Variants in KAZN observed in about 807,000 individuals in gnomAD.
KAZN encodes the protein kazrin.
In KAZN, 40 loss-of-function variants were observed where a neutral mutation model predicts 87.4. The observed-to-expected ratio is 0.46, with a 90% CI of 0.36 to 0.60. KAZN has a LOEUF of 0.60. Among genes scored for constraint, KAZN ranks in the 20% least tolerant of loss-of-function variants. The probability of loss-of-function intolerance (pLI) is 0.00; values close to 1 mark genes in which losing one functional copy is unlikely to be tolerated. For synonymous variants in KAZN, 466 were observed against 458.3 expected (o/e 1.02, Z -0.22); for missense variants, 898 against 1,073.9 (o/e 0.84, Z 2.29).
At chr1:15,036,409 G>A (rs2100245062) in intron 3 of KAZN, among the ~76,000 whole-genome samples, 1 of 132,472 alleles carries the variant, frequency 7.5e-6, no homozygotes, top group African/African-American at 2.9e-5. Flanking sequence ...TGACCACCCA[G>A]CTCCCCTTCC....
chr1:14,859,936 G>C (rs1650634818), intron 1 of KAZN, among the ~76,000 whole-genome samples: 1 of 152,036 alleles, frequency 6.6e-6, no homozygotes, highest in Non-Finnish European at 1.5e-5. Flanking sequence ...TCTTTTTCCT[G>C]GCACAGAATT....
rs565682368 is a variant in KAZN at position 14,430,839 on chromosome 1, C to G, written c.250-168144C>G. Among the ~76,000 whole-genome samples, 358 of 152,286 alleles carry G rather than the reference C, an allele frequency of 2.4e-3. 2 individuals are homozygous for G. Among genetic ancestry groups the G allele is most frequent in the Admixed American group, 4.1e-3 (63 of 15,306 alleles). ...GTGGAAAGGAGGGCAAAACCCATTG[C>G]TGACTGAGGAGTGCTCAGCAAAGCC... is the stretch of plus-strand genomic sequence containing the variant. On this transcript the variant is annotated intron_variant, in intron 2 of 16. Transcript: ENST00000636203.
chr1:14,700,954 T>G (rs1641887733), intron 1 of KAZN, among the ~76,000 whole-genome samples: 1 of 152,116 alleles, frequency 6.6e-6, no homozygotes, highest in Non-Finnish European at 1.5e-5. Context: ...TTCAACACAA[T>G]TCAGAGGAGC....
At position 14,524,646 on chromosome 1, in the gene KAZN, T is replaced by G. The variant is rs1453195794; in HGVS notation, c.250-74337T>G. 2.0e-5 allele frequency among the ~76,000 whole-genome samples: 3 copies of G among 152,206 alleles called. No homozygotes were observed. In the East Asian group the frequency reaches 5.8e-4, roughly 29 times the overall value. The stretch of plus-strand genomic sequence containing the variant: ...GAATTTAACCCCCCAGGCATGTCAG[T>G]CTGCCACGACTGTGCTTTCACCGTT... On this transcript the variant is annotated intron_variant, in intron 2 of 16. Coordinates refer to the KAZN transcript ENST00000636203.
chr1:14,929,859 G>A, intron 1 of KAZN: 1 of 985,462 alleles, frequency 1.0e-6, no homozygotes, highest in Non-Finnish European at 1.2e-6. Context: ...CTCCCTTGTG[G>A]CGGCTTCTAT....
intron 1 of KAZN, among the ~76,000 whole-genome samples, chr1:14,851,414 A>C (rs1296328434): frequency 6.6e-6 from 1 of 152,192 alleles, no homozygotes. Flanking sequence ...CACCGCTGCG[A>C]TAGCCCCTGG....
chr1:14,021,366 C>A (rs1640816129), intron 1 of KAZN, among the ~76,000 whole-genome samples: 1 of 152,162 alleles, frequency 6.6e-6, no homozygotes, highest in African/African-American at 2.4e-5. Context: ...AATCTGAGAC[C>A]ATAAGCAGAC....
chr1:14,775,538 A>G (rs955666987), intron 1 of KAZN, among the ~76,000 whole-genome samples: 1 of 152,258 alleles, frequency 6.6e-6, no homozygotes, highest in Non-Finnish European at 1.5e-5. Flanking sequence ...AAGGTAGATC[A>G]TGAGAACCTG....
At chr1:14,999,596 G>T (rs770262278) in intron 2 of KAZN, among the ~76,000 whole-genome samples, 1 of 151,698 alleles carries the variant, frequency 6.6e-6, no homozygotes, top group Middle Eastern at 3.2e-3. Context: ...GAGCTGCCCC[G>T]ATCCACTTGC....
At chr1:14,803,570 G>A (rs1011815079) in intron 1 of KAZN, among the ~76,000 whole-genome samples, 3 of 152,216 alleles carry the variant, frequency 2.0e-5, no homozygotes, top group Non-Finnish European at 4.4e-5. Context: ...CTGAGTGCCC[G>A]TGGCTCTGGC....
chr1:15,065,839 C>T (rs1180899295), intron 8 of KAZN, 86 bp downstream of exon 8: 14 of 1,573,396 alleles, frequency 8.9e-6, no homozygotes, highest in South Asian at 3.4e-5. Context: ...CGTGTCTGTG[C>T]GTGTGGGCGT....
intron 1 of KAZN, among the ~76,000 whole-genome samples, chr1:14,830,424 G>A (rs1335511471): frequency 6.6e-6 from 1 of 152,156 alleles, no homozygotes; most frequent in African/African-American, 2.4e-5. Flanking sequence ...CCTGAGTCAG[G>A]TGCCCAGCCC....
chr1:14,030,756 G>A (rs952262808), intron 1 of KAZN, among the ~76,000 whole-genome samples: 14 of 151,810 alleles, frequency 9.2e-5, no homozygotes, highest in Admixed American at 7.9e-4. Flanking sequence ...GTAAAGAATT[G>A]CAAGAATGGA....
intron 1 of KAZN, among the ~76,000 whole-genome samples, chr1:14,770,206 A>G (rs572503071): frequency 5.9e-5 from 9 of 152,328 alleles, no homozygotes; most frequent in African/African-American, 2.2e-4. Context: ...AAGGTTTTAA[A>G]CAGGCATGGT....
intron 2 of KAZN, among the ~76,000 whole-genome samples, chr1:14,971,174 C>T (rs867420853): frequency 5.3e-5 from 8 of 152,242 alleles, no homozygotes; most frequent in Middle Eastern, 3.4e-3. Flanking sequence ...CCAAGGCGGG[C>T]GAATCATGAG....
chr1:14,694,642 TG>T (rs1641499203), intron 1 of KAZN, among the ~76,000 whole-genome samples: 1 of 152,226 alleles, frequency 6.6e-6, no homozygotes, highest in South Asian at 2.1e-4. Flanking sequence ...GTACAGGATC[TG>T]GAAATAGATC....
chr1:14,399,023 G>A (rs1196886290), intron 2 of KAZN, among the ~76,000 whole-genome samples: 4 of 152,056 alleles, frequency 2.6e-5, no homozygotes, highest in African/African-American at 7.2e-5. Flanking sequence ...AAATTTTGGA[G>A]GGGGGGATTT....
intron 1 of KAZN, among the ~76,000 whole-genome samples, chr1:14,768,823 T>C (rs572852503): frequency 1.1e-4 from 16 of 152,190 alleles, no homozygotes; most frequent in Admixed American, 3.3e-4. Flanking sequence ...CCAGTTCCAG[T>C]CAGTCACAGT....
At chr1:14,934,268 G>C (rs1208481153) in intron 1 of KAZN, among the ~76,000 whole-genome samples, 1 of 149,826 alleles carries the variant, frequency 6.7e-6, no homozygotes, top group African/African-American at 2.5e-5. Flanking sequence ...GAGTGCAGTG[G>C]TGCGTCTTGG....
Sources: gnomAD v4.1 joint callset for allele counts (sites outside exome capture counted in the v4.1 genomes callset) on GRCh38, gnomAD v4.1.1 for gene constraint, MANE v1.5 for transcripts, NCBI Gene and HGNC (gene_info 2026-07-23, HGNC 2026-07-21) for gene names.